OR6F1: variants seen among roughly 807,000 people sequenced by gnomAD.
The protein encoded by OR6F1 is olfactory receptor 6F1.
For synonymous variants in OR6F1, 144 were observed against 150.0 expected, an observed-to-expected ratio of 0.96 and a Z score of 0.29; for missense variants, 346 against 376.0, an observed-to-expected ratio of 0.92 and a Z score of 0.66.
In OR6F1 at chr1:247,712,817, C is replaced by T. The variant is rs540609078; in HGVS notation, c.-62G>A. ...GAGCCCTTTAACCCAATCACACAGTCCTAGAAAGATAAAAAGAATGGATTC... is the reference window on the plus strand; with the variant it reads ...GAGCCCTTTAACCCAATCACACAGTTCTAGAAAGATAAAAAGAATGGATTC... On this transcript the variant is annotated splice_region_variant and 5_prime_UTR_variant, in exon 3 of 3. Coordinates refer to ENST00000641470, the MANE Select transcript of OR6F1 (RefSeq NM_001005286.2). The T allele has an allele frequency of 2.1e-5, 17 of 815,792 alleles. No homozygotes were observed. The African/African-American group carries it at 2.2e-4, about 11-fold the overall frequency. The allele number at this position is 815,792 out of a possible 1,614,324, so 50.5% of individuals were successfully genotyped here.
intron 1 of OR6F1, among the ~76,000 whole-genome samples, chr1:247,714,851 C>T (rs187724420): frequency 4.7e-5 from 7 of 148,462 alleles, no homozygotes; most frequent in East Asian, 3.9e-4. Flanking sequence ...GTGTCATTCA[C>T]GGCCAACCAG....
At position 247,712,405 on chromosome 1, in the gene OR6F1, G is replaced by C; in HGVS notation, c.351C>G (p.Ala117=). Residue 117 remains alanine (A), a synonymous_variant, in exon 3 of 3, where the codon GCC becomes GCG. Coordinates refer to ENST00000641470, the MANE Select transcript of OR6F1 (RefSeq NM_001005286.2). The part of the protein sequence containing the change: ...LGCTEYFLLA[A]MAYDRCLAIC... Reference sequence around the variant, plus strand: ...TGGCAAGACAGCGGTCATAAGCCATGGCTGCCAGGAGGAAGTACTCTGTGC... The same window carrying C: ...TGGCAAGACAGCGGTCATAAGCCATCGCTGCCAGGAGGAAGTACTCTGTGC... The C allele has an allele frequency of 6.2e-7, 1 of 1,614,074 alleles. No homozygotes were observed. Among genetic ancestry groups the C allele is most frequent in the South Asian group, 1.1e-5 (1 of 91,078 alleles).
chr1:247,715,245 TA>T (rs1358122617), intron 1 of OR6F1, among the ~76,000 whole-genome samples: 1 of 152,202 alleles, frequency 6.6e-6, no homozygotes, highest in Non-Finnish European at 1.5e-5. Context: ...AAAAATATTT[TA>T]ATTTATGTTC....
At position 247,712,069 on chromosome 1, in the gene OR6F1, G is replaced by A; in HGVS notation, c.687C>T (p.Pro229=). The A allele has an allele frequency of 1.2e-6, 2 of 1,614,192 alleles. No homozygotes were observed. The highest frequency in any genetic ancestry group is 1.7e-6 in the Non-Finnish European group (2 of 1,180,020). The part of the protein sequence containing the change: ...VYIISTILRI[P]SASGRSKAFS... ...AGGCTTTGCTCCGGCCACTGGCAGA[G>A]GGGATCCTGAGGATGGTGCTGATGA... The change falls in exon 3 of 3, where the codon CCC becomes CCT. Residue 229 remains proline, a synonymous_variant. Transcript: ENST00000641470.
At chr1:247,715,483 C>T (rs1277253938) in intron 1 of OR6F1, among the ~76,000 whole-genome samples, 1 of 152,114 alleles carries the variant, frequency 6.6e-6, no homozygotes, top group Non-Finnish European at 1.5e-5. Flanking sequence ...CTGAATTTGT[C>T]AGATGCCATG....
chr1:247,713,978 A>G, intron 1 of OR6F1, 24 bp from the exon 2 acceptor site: 1 of 398,574 alleles, frequency 2.5e-6, no homozygotes, highest in Non-Finnish European at 4.4e-6. Context: ...CAAAATGCAA[A>G]TTTTGATTAA....
Position 247,712,555 on chromosome 1 carries a change from G to A in OR6F1, c.201C>T (p.Ser67=). Residue 67 remains serine, a synonymous_variant, in exon 3 of 3, where the codon TCC becomes TCT. Coordinates refer to ENST00000641470, the MANE Select transcript of OR6F1 (RefSeq NM_001005286.2). Reference sequence around the variant, plus strand: ...CTGTGGTATACCAAATCTCCAGGAAGGAGAGGTTGCTCAGAAAGAAGTACA... The same window carrying A: ...CTGTGGTATACCAAATCTCCAGGAAAGAGAGGTTGCTCAGAAAGAAGTACA... ...TPMYFFLSNL[S]FLEIWYTTAA... 6.2e-7 allele frequency: 1 copy of A among 1,614,054 alleles called. No homozygotes were observed. The highest frequency in any genetic ancestry group is 8.5e-7 in the Non-Finnish European group (1 of 1,179,930).
In OR6F1 at chr1:247,712,537, A is replaced by G. The variant is rs1252100994; in HGVS notation, c.219T>C (p.Tyr73=). 3.7e-6 allele frequency: 6 copies of G among 1,613,904 alleles called. No individual in the cohort carries two copies. The highest frequency in any genetic ancestry group is 5.1e-6 in the Non-Finnish European group (6 of 1,179,734). The change falls in exon 3 of 3, where the codon TAT becomes TAC. Residue 73 remains tyrosine, a synonymous_variant. Coordinates refer to ENST00000641470, the MANE Select transcript of OR6F1 (RefSeq NM_001005286.2). The part of the protein sequence containing the change: ...LSNLSFLEIW[Y]TTAAVPKALA... Reference sequence around the variant, plus strand: ...GTGCTTTGGGCACTGCTGCTGTGGTATACCAAATCTCCAGGAAGGAGAGGT... The same window carrying G: ...GTGCTTTGGGCACTGCTGCTGTGGTGTACCAAATCTCCAGGAAGGAGAGGT...
chr1:247,713,344 A>G (rs1660047334), intron 2 of OR6F1, among the ~76,000 whole-genome samples: 1 of 151,662 alleles, frequency 6.6e-6, no homozygotes, highest in African/African-American at 2.4e-5. Context: ...TAACTTTAAA[A>G]TTAGTTTCAA....
chr1:247,712,673 AAGAG>A lies in OR6F1; in HGVS notation c.79_82del (p.Phe28CysfsTer5). 2.5e-6 allele frequency: 4 copies of A among 1,612,950 alleles called. No homozygotes were observed. Among genetic ancestry groups the A allele is most frequent in the Non-Finnish European group, 3.4e-6 (4 of 1,179,610 alleles). On this transcript the variant is annotated frameshift_variant, in exon 3 of 3. Transcript: ENST00000641470. LOFTEE classifies it low-confidence loss of function (END_TRUNC). ...GATGTACATCACCAGAAAAAGCATA[AAGAG>A]AGAGAGCTGAAGAGTTTGAGAACCA...
Position 247,712,543 on chromosome 1 carries a change from A to G in OR6F1, c.213T>C (p.Ile71=). The change falls in exon 3 of 3, where the codon ATT becomes ATC. Residue 71 remains isoleucine (I), a synonymous_variant. Transcript: ENST00000641470. The part of the protein sequence containing the change: ...FFLSNLSFLE[I]WYTTAAVPKA... ...TGGGCACTGCTGCTGTGGTATACCA[A>G]ATCTCCAGGAAGGAGAGGTTGCTCA... 1 of 1,613,766 alleles carries G rather than the reference A, an allele frequency of 6.2e-7. No homozygotes were observed. Among genetic ancestry groups the G allele is most frequent in the Non-Finnish European group, 8.5e-7 (1 of 1,179,640 alleles).
In OR6F1 at chr1:247,713,880, A is replaced by G; in HGVS notation, c.-63+11T>C. 2.5e-6 allele frequency: 1 copy of G among 398,566 alleles called. No homozygotes were observed. The highest frequency in any genetic ancestry group is 4.4e-6 in the Non-Finnish European group (1 of 226,030). 24.7% of individuals were successfully genotyped at this position (398,566 alleles called of 1,614,324 possible). ...GGTCTACAAAGTAAACGGTGCATAC[A>G]TTGGCTTTACCTCATTGATGGCAGA... On this transcript the variant is annotated intron_variant, in intron 2 of 2. Coordinates refer to ENST00000641470, the MANE Select transcript of OR6F1 (RefSeq NM_001005286.2).
At chr1:247,715,377 A>T (rs1660087614) in intron 1 of OR6F1, among the ~76,000 whole-genome samples, 1 of 152,242 alleles carries the variant, frequency 6.6e-6, no homozygotes, top group Admixed American at 6.5e-5. Flanking sequence ...CTATATTCAA[A>T]ATTCAAAAAT....
chr1:247,714,544 A>T (rs1660072815), intron 1 of OR6F1, among the ~76,000 whole-genome samples: 1 of 152,210 alleles, frequency 6.6e-6, no homozygotes, highest in Non-Finnish European at 1.5e-5. Flanking sequence ...TCCCGTGTGT[A>T]TGTGCAACGC....
In OR6F1 at chr1:247,716,515, T is replaced by G. The variant is rs1660107928; in HGVS notation, c.-311A>C. 1 of 152,228 alleles carries G rather than the reference T, an allele frequency of 6.6e-6. No individual in the cohort carries two copies. The highest frequency in any genetic ancestry group is 2.1e-4 in the South Asian group (1 of 4,830). The allele number at this position is 152,228 out of a possible 1,614,324, so 9.4% of individuals were successfully genotyped here. On this transcript the variant is annotated 5_prime_UTR_variant, in exon 1 of 3. It removes an upstream start codon present in the reference 5' UTR. Coordinates refer to ENST00000641470, the MANE Select transcript of OR6F1 (RefSeq NM_001005286.2). ...AATAGTGTGCTTCCTTCGGTTGACA[T>G]CCATTACTCCTTTATTAACTCAAAC... is the stretch of plus-strand genomic sequence containing the variant.
chr1:247,714,592 G>A (rs372539772), intron 1 of OR6F1, among the ~76,000 whole-genome samples: 5 of 152,064 alleles, frequency 3.3e-5, no homozygotes, highest in East Asian at 3.9e-4. Flanking sequence ...TTGCTTATAT[G>A]TCTTTGGTGA....
At chr1:247,714,690 G>C (rs1211059869) in intron 1 of OR6F1, among the ~76,000 whole-genome samples, 3 of 152,004 alleles carry the variant, frequency 2.0e-5, no homozygotes, top group Non-Finnish European at 4.4e-5. Context: ...AAGGAGCCTA[G>C]ATTATGAATT....
In OR6F1 at chr1:247,712,680, A is replaced by C. The variant is rs770690175; in HGVS notation, c.76T>G (p.Ser26Ala). 9.9e-6 allele frequency: 16 copies of C among 1,612,692 alleles called. No individual in the cohort carries two copies. The South Asian group carries it at 1.8e-4, about 18-fold the overall frequency. ...GFPGSQTLQLSLFMLFLVMYI... is the reference protein window; with the variant it reads ...GFPGSQTLQLALFMLFLVMYI... The stretch of plus-strand genomic sequence containing the variant: ...ATCACCAGAAAAAGCATAAAGAGAG[A>C]GAGCTGAAGAGTTTGAGAACCAGGA... The change falls in exon 3 of 3, where the codon TCT (serine) becomes GCT (alanine). Residue 26 changes from serine (S) to alanine (A), a missense_variant. By Grantham distance (99) the Ser-to-Ala change is moderately conservative (BLOSUM62 1). Transcript: ENST00000641470.
At chr1:247,714,936 T>G (rs1242462011) in intron 1 of OR6F1, among the ~76,000 whole-genome samples, 1 of 152,242 alleles carries the variant, frequency 6.6e-6, no homozygotes, top group East Asian at 1.9e-4. Flanking sequence ...CCATTTTTTT[T>G]TCTTTAAAGG....
Sources: gnomAD v4.1 joint callset for allele counts (sites outside exome capture counted in the v4.1 genomes callset) on GRCh38, gnomAD v4.1.1 for gene constraint, MANE v1.5 for transcripts, NCBI Gene and HGNC (gene_info 2026-07-23, HGNC 2026-07-21) for gene names.